The following CTNNA1 variants were observed in gnomAD, a reference collection of about 807,000 sequenced individuals.
CTNNA1 encodes the protein catenin alpha 1.
Under a neutral mutation model 98.4 loss-of-function variants are expected in CTNNA1, and 37 were observed. The ratio of observed to expected loss-of-function variants is 0.38; its 90% CI spans 0.29 to 0.49. CTNNA1 has a LOEUF of 0.49. Ranked by LOEUF, CTNNA1 falls within the 20% of genes least tolerant of loss-of-function variation. CTNNA1 has a pLI of 0.95. For missense variants in CTNNA1, 761 were observed against 1,147.2 expected (o/e 0.66, Z 4.86); for synonymous variants, 404 against 413.2 (o/e 0.98, Z 0.27).
At position 138,873,968 on chromosome 5, in the gene CTNNA1, C is replaced by T. The variant is rs1215495629; in HGVS notation, c.1063-12244C>T. 4 of 1,613,964 alleles carry T rather than the reference C, an allele frequency of 2.5e-6. No homozygotes were observed. The highest frequency in any genetic ancestry group is 2.5e-6 in the Non-Finnish European group (3 of 1,179,898). ...TTTAATTAATCCTGCAAATCCATTG[C>T]GAGCCAAACTTCGCAAACGATTTGT... On this transcript the variant is annotated intron_variant, in intron 7 of 17. Transcript: ENST00000302763. The surrounding 1 kb of genome is among the most constrained non-coding windows in gnomAD (Gnocchi z 6.1).
At position 138,917,953 on chromosome 5, in the gene CTNNA1, C is replaced by CTT. The variant is rs149957513; in HGVS notation, c.1546+56_1546+57insTT. On this transcript the variant is annotated intron_variant, in intron 11 of 17. Coordinates refer to ENST00000302763, the MANE Select transcript of CTNNA1 (RefSeq NM_001903.5). ...TGAAGATGTTCATAATTACTTTTGTCTAAGTTGTATTAATGGGCAAACACT... is the reference window on the plus strand; with the variant it reads ...TGAAGATGTTCATAATTACTTTTGTCTTTAAGTTGTATTAATGGGCAAACACT... 788 of 1,574,684 alleles carry CTT rather than the reference C, an allele frequency of 5.0e-4. 9 individuals carry two copies. The East Asian group carries it at 0.017, about 33-fold the overall frequency.
intron 7 of CTNNA1, chr5:138,871,388 A>G (rs1390208982): frequency 2.6e-5 from 4 of 152,264 alleles, no homozygotes; most frequent in African/African-American, 9.6e-5. Flanking sequence ...TTCTGTGTGA[A>G]TGAGTAGCTT....
chr5:138,927,286 C>T (rs1764276585), intron 13 of CTNNA1, among the ~76,000 whole-genome samples: 1 of 152,210 alleles, frequency 6.6e-6, no homozygotes, highest in South Asian at 2.1e-4. Flanking sequence ...CCTACGAGGC[C>T]TTCTGGGACT....
At chr5:138,838,272 G>T (rs535557252) in intron 7 of CTNNA1, among the ~76,000 whole-genome samples, 1 of 152,182 alleles carries the variant, frequency 6.6e-6, no homozygotes, top group South Asian at 2.1e-4. Flanking sequence ...ACTAAGTTAT[G>T]TATTGTTTCT....
chr5:138,842,170 C>A (rs1403213367), intron 7 of CTNNA1, among the ~76,000 whole-genome samples: 1 of 152,130 alleles, frequency 6.6e-6, no homozygotes, highest in Admixed American at 6.5e-5. Flanking sequence ...CATGGTGGCA[C>A]ACACCTGTAG....
chr5:138,777,923 A>G (rs1580953282), intron 1 of CTNNA1, among the ~76,000 whole-genome samples: 2 of 37,052 alleles, frequency 5.4e-5, no homozygotes, highest in Non-Finnish European at 9.4e-5. Context: ...GAGGGGGAGG[A>G]GGGAGAGGGG....
intron 7 of CTNNA1, among the ~76,000 whole-genome samples, chr5:138,856,233 T>G (rs1309615373): frequency 6.6e-6 from 1 of 152,214 alleles, no homozygotes; most frequent in African/African-American, 2.4e-5. Context: ...GAACCTCTTG[T>G]ATATGAACGT....
At chr5:138,814,373 C>T (rs573804076) in intron 5 of CTNNA1, among the ~76,000 whole-genome samples, 70 of 152,028 alleles carry the variant, frequency 4.6e-4, no homozygotes, top group African/African-American at 1.4e-3. Flanking sequence ...CTCAGCCTCC[C>T]GTCAGTGTGC....
intron 9 of CTNNA1, among the ~76,000 whole-genome samples, chr5:138,892,263 C>A (rs540872323): frequency 6.9e-6 from 1 of 143,972 alleles, no homozygotes. Flanking sequence ...CACATACTTA[C>A]ATATTTTCAG....
chr5:138,795,138 G>A (rs978290588), intron 3 of CTNNA1, among the ~76,000 whole-genome samples: 20 of 136,402 alleles, frequency 1.5e-4, no homozygotes, highest in African/African-American at 5.3e-4. Flanking sequence ...CCTAGGTGAA[G>A]GAGTGAGACT....
At chr5:138,881,110 G>A (rs1752810336) in intron 7 of CTNNA1, 1 of 456,140 alleles carries the variant, frequency 2.2e-6, no homozygotes, top group African/African-American at 2.0e-5. Context: ...GCTGAAAGGG[G>A]CTTCCTGAGG....
At position 138,922,391 on chromosome 5, in the gene CTNNA1, G is replaced by A. The variant is rs1483422837; in HGVS notation, c.1547-2119G>A. Among the ~76,000 whole-genome samples, 4 of 152,218 alleles carry A rather than the reference G, an allele frequency of 2.6e-5. No individual in the cohort carries two copies. The South Asian group carries it at 6.2e-4, about 24-fold the overall frequency. On this transcript the variant is annotated intron_variant, in intron 11 of 17. Coordinates refer to ENST00000302763, the MANE Select transcript of CTNNA1 (RefSeq NM_001903.5). ...TGCAGCCATTAAAATGGATGAGGTA[G>A]ATCTGTAGGGCCAGACCTAGAAAGG... is the stretch of plus-strand genomic sequence containing the variant.
chr5:138,785,464 C>T (rs1755586959), intron 3 of CTNNA1, among the ~76,000 whole-genome samples: 1 of 152,196 alleles, frequency 6.6e-6, no homozygotes, highest in South Asian at 2.1e-4. Flanking sequence ...GTACATTCTC[C>T]TCCCCAGCCC....
chr5:138,753,486 T>A lies in CTNNA1; in HGVS notation c.-27T>A. The A allele has an allele frequency of 2.7e-6, 1 of 376,128 alleles. No individual in the cohort carries two copies. Among genetic ancestry groups the A allele is most frequent in the Non-Finnish European group, 4.7e-6 (1 of 211,504 alleles). 23.3% of individuals were successfully genotyped at this position (376,128 alleles called of 1,614,324 possible). On this transcript the variant is annotated 5_prime_UTR_variant, in exon 1 of 18. Transcript: ENST00000302763. ...CCCGTCTGCTTCGGGCCTCTGGAAT[T>A]TAGCGCTCGCCCAGCTAGCCGCAGG...
chr5:138,839,931 G>A (rs1762132636), intron 7 of CTNNA1, among the ~76,000 whole-genome samples: 1 of 152,224 alleles, frequency 6.6e-6, no homozygotes, highest in Admixed American at 6.5e-5. Context: ...GTGATGCCAT[G>A]GATGATGAGC....
chr5:138,842,939 T>C (rs1762393145), intron 7 of CTNNA1, among the ~76,000 whole-genome samples: 1 of 152,216 alleles, frequency 6.6e-6, no homozygotes, highest in African/African-American at 2.4e-5. Context: ...ACTAGGTTTT[T>C]CTATCCAATG....
Position 138,931,593 on chromosome 5 carries a change from T to G in CTNNA1, c.2298+658T>G, listed in dbSNP as rs890853125. 84 of 985,100 alleles carry G rather than the reference T, an allele frequency of 8.5e-5. 1 individual carries two copies. Among genetic ancestry groups the G allele is most frequent in the Non-Finnish European group, 9.6e-5 (80 of 829,732 alleles). 61.0% of individuals were successfully genotyped at this position (985,100 alleles called of 1,614,324 possible). ...CACAATCGGTAATAGGGCCTATTGC[T>G]TCCATTGGCCAAATGTATCTTGACA... On this transcript the variant is annotated intron_variant, in intron 16 of 17. Coordinates refer to ENST00000302763, the MANE Select transcript of CTNNA1 (RefSeq NM_001903.5).
At chr5:138,839,751 GTATATTTATTACATTT>G (rs1475987155) in intron 7 of CTNNA1, among the ~76,000 whole-genome samples, 1 of 152,210 alleles carries the variant, frequency 6.6e-6, no homozygotes, top group East Asian at 1.9e-4. Context: ...ACAGGGTGGA[GTATATTTATTACATTT>G]AGCCAGAACC....
At chr5:138,799,681 C>T (rs1307233066) in intron 3 of CTNNA1, among the ~76,000 whole-genome samples, 4 of 148,246 alleles carry the variant, frequency 2.7e-5, no homozygotes, top group African/African-American at 1.0e-4. Context: ...TCATTTTTAG[C>T]TGGGGGCTTA....
Sources: gnomAD v4.1 joint callset for allele counts (sites outside exome capture counted in the v4.1 genomes callset) on GRCh38, gnomAD v4.1.1 for gene constraint, Gnocchi (gnomAD v3.1) non-coding constraint, MANE v1.5 for transcripts, NCBI Gene and HGNC (gene_info 2026-07-23, HGNC 2026-07-21) for gene names.